TSNARE1: variants seen among roughly 807,000 people sequenced by gnomAD.
TSNARE1 encodes t-SNARE domain-containing protein 1.
A neutral mutation model predicts 62.0 loss-of-function variants in TSNARE1; 49 were observed. The observed-to-expected ratio is 0.79, with a 90% CI of 0.63 to 1.00. The LOEUF is 1.00. Among genes scored for constraint, TSNARE1 ranks in the 50% least tolerant of loss-of-function variants. The pLI is 0.00. For synonymous variants in TSNARE1, 328 were observed against 294.4 expected (o/e 1.11, Z -1.17); for missense variants, 755 against 700.1 (o/e 1.08, Z -0.88).
intron 11 of TSNARE1, chr8:142,280,145 G>A (rs942329931): frequency 2.3e-5 from 24 of 1,055,572 alleles, no homozygotes; most frequent in Middle Eastern, 4.6e-4. Flanking sequence ...TAGTGGCGCC[G>A]CACCCTCTGC....
intron 1 of TSNARE1, among the ~76,000 whole-genome samples, chr8:142,394,006 C>A (rs766352537): frequency 6.6e-6 from 1 of 152,228 alleles, no homozygotes; most frequent in African/African-American, 2.4e-5. Flanking sequence ...ATGTTCATTA[C>A]GAAAGCAAAA....
chr8:142,215,751 G>A (rs1226815183), intron 13 of TSNARE1, among the ~76,000 whole-genome samples: 2 of 152,194 alleles, frequency 1.3e-5, no homozygotes, highest in African/African-American at 4.8e-5. Flanking sequence ...AGCTGGCAGT[G>A]GCAGCCCCAT....
chr8:142,379,425 G>A (rs745371404), intron 1 of TSNARE1, among the ~76,000 whole-genome samples: 8 of 152,210 alleles, frequency 5.3e-5, no homozygotes, highest in Non-Finnish European at 8.8e-5. Flanking sequence ...GAGGGGCTAC[G>A]CTTGCCCAGA....
intron 11 of TSNARE1, chr8:142,276,028 G>A (rs560091622): frequency 1.4e-5 from 14 of 985,392 alleles, no homozygotes; most frequent in Non-Finnish European, 1.7e-5. Context: ...GGCCTCACAG[G>A]GATCCTTGAA....
At chr8:142,342,270 A>G (rs1832695001) in intron 4 of TSNARE1, among the ~76,000 whole-genome samples, 1 of 152,272 alleles carries the variant, frequency 6.6e-6, no homozygotes, top group Non-Finnish European at 1.5e-5. Flanking sequence ...CTCATCCTGC[A>G]GCTGAGCAGG....
At chr8:142,299,860 G>A (rs573870227) in intron 10 of TSNARE1, among the ~76,000 whole-genome samples, 15 of 152,340 alleles carry the variant, frequency 9.8e-5, no homozygotes, top group African/African-American at 2.9e-4. Context: ...CCATAGGCTA[G>A]AGACACATTT....
chr8:142,229,127 T>TAGATGGATTGACAGTG (rs1816972704), intron 13 of TSNARE1, among the ~76,000 whole-genome samples: 1 of 144,574 alleles, frequency 6.9e-6, no homozygotes, highest in African/African-American at 2.6e-5. Flanking sequence ...GATAAATGGA[T>TAGATGGATTGACAGTG]GGTGGGTGGA....
chr8:142,359,163 C>T (rs1405749975), intron 1 of TSNARE1, among the ~76,000 whole-genome samples: 2 of 152,128 alleles, frequency 1.3e-5, no homozygotes, highest in African/African-American at 2.4e-5. Context: ...CCCCACTTCT[C>T]AACCCAGCTG....
At chr8:142,390,144 G>A (rs1015229646) in intron 1 of TSNARE1, among the ~76,000 whole-genome samples, 7 of 152,242 alleles carry the variant, frequency 4.6e-5, no homozygotes, top group East Asian at 1.9e-4. Flanking sequence ...TACCATGAAC[G>A]GGGCTTGCAG....
chr8:142,279,464 C>G (rs1821041796), intron 11 of TSNARE1, among the ~76,000 whole-genome samples: 1 of 152,216 alleles, frequency 6.6e-6, no homozygotes, highest in African/African-American at 2.4e-5. Context: ...CAGAGGCCAC[C>G]TTGTGACCGC....
intron 11 of TSNARE1, chr8:142,277,386 T>C (rs1201926594): frequency 1.0e-6 from 1 of 985,256 alleles, no homozygotes; most frequent in East Asian, 1.1e-4. Context: ...GGGACCCCTG[T>C]GGGAGACCCC....
intron 12 of TSNARE1, among the ~76,000 whole-genome samples, chr8:142,237,371 C>T (rs1298266224): frequency 3.3e-5 from 5 of 152,326 alleles, no homozygotes; most frequent in East Asian, 1.9e-4. Context: ...GACTGGCACA[C>T]GGGCGGCTCG....
chr8:142,292,880 T>C (rs749739469), intron 10 of TSNARE1, among the ~76,000 whole-genome samples: 2 of 151,980 alleles, frequency 1.3e-5, no homozygotes, highest in Non-Finnish European at 2.9e-5. Context: ...AGTGTGGATC[T>C]ACAGCCCCGC....
intron 13 of TSNARE1, among the ~76,000 whole-genome samples, chr8:142,228,694 C>G (rs1816950375): frequency 6.6e-6 from 1 of 152,222 alleles, no homozygotes; most frequent in Non-Finnish European, 1.5e-5. Flanking sequence ...GCCATGTGCA[C>G]CACTGGGTCC....
Position 142,342,327 on chromosome 8 carries a change from TC to T in TSNARE1, c.745+1638del, listed in dbSNP as rs553912516. Among the ~76,000 whole-genome samples the T allele has an allele frequency of 3.9e-3, 592 of 152,320 alleles. 1 individual carries two copies. The highest frequency in any genetic ancestry group is 7.3e-3 in the Non-Finnish European group (496 of 68,014). ...GAGATGCCTACTTAGGTCTGCCCCG[TC>T]CAGGTGGGGCTGGGAGCACTTGCTC... On this transcript the variant is annotated intron_variant, in intron 4 of 13. Transcript: ENST00000524325.
At chr8:142,268,187 A>C (rs1327485846) in intron 12 of TSNARE1, among the ~76,000 whole-genome samples, 2 of 152,206 alleles carry the variant, frequency 1.3e-5, no homozygotes, top group African/African-American at 4.8e-5. Flanking sequence ...ATGGAGCTTC[A>C]TGGACAGCCA....
intron 9 of TSNARE1, among the ~76,000 whole-genome samples, chr8:142,313,905 T>C (rs747861333): frequency 8.5e-5 from 13 of 152,232 alleles, no homozygotes; most frequent in East Asian, 3.9e-4. Flanking sequence ...CAGCCTCCCA[T>C]GTAGCTGGGA....
intron 7 of TSNARE1, among the ~76,000 whole-genome samples, chr8:142,317,716 G>A (rs1828799616): frequency 6.6e-6 from 1 of 152,192 alleles, no homozygotes; most frequent in Admixed American, 6.5e-5. Context: ...CCAGCACTTT[G>A]GGAGGCAGAG....
chr8:142,222,719 C>T (rs1816432129), intron 13 of TSNARE1, among the ~76,000 whole-genome samples: 3 of 125,804 alleles, frequency 2.4e-5, no homozygotes, highest in Admixed American at 8.0e-5. Context: ...CACTCATCCA[C>T]TCACTCACTC....
Sources: gnomAD v4.1 joint callset for allele counts (sites outside exome capture counted in the v4.1 genomes callset) on GRCh38, gnomAD v4.1.1 for gene constraint, MANE v1.5 for transcripts, NCBI Gene and HGNC (gene_info 2026-07-23, HGNC 2026-07-21) for gene names.